The following CSMD1 variants were observed in gnomAD, a reference collection of about 807,000 sequenced individuals.
CSMD1 encodes CUB and Sushi multiple domains 1.
In CSMD1, 213 loss-of-function variants were observed where a neutral mutation model predicts 417.5. The ratio of observed to expected loss-of-function variants is 0.51; its 90% CI spans 0.46 to 0.57. The LOEUF is 0.57. Ranked by LOEUF, CSMD1 falls within the 20% of genes least tolerant of loss-of-function variation. CSMD1 has a pLI of 0.00. For missense variants in CSMD1, 6,923 were observed against 4,529.7 expected, an observed-to-expected ratio of 1.53 and a Z score of -15.17; for synonymous variants, 2,862 against 1,736.8, an observed-to-expected ratio of 1.65 and a Z score of -16.11.
rs1009008324 is a variant in CSMD1, at chr8:3,030,197, G to C, written c.7661-684C>G. ...GCAGTAGTAGTATACTATTACCAGG[G>C]TGGACTTCAAGGACTTTCTAAATAT... On this transcript the variant is annotated intron_variant, in intron 50 of 69. Coordinates refer to ENST00000635120, the MANE Select transcript of CSMD1 (RefSeq NM_033225.6). Among the ~76,000 whole-genome samples, 4 of 152,094 alleles carry C rather than the reference G, an allele frequency of 2.6e-5. No homozygotes were observed. The East Asian group carries it at 7.7e-4, about 29-fold the overall frequency.
At chr8:3,688,220 G>T (rs1049830200) in intron 7 of CSMD1, among the ~76,000 whole-genome samples, 1 of 152,132 alleles carries the variant, frequency 6.6e-6, no homozygotes, top group Non-Finnish European at 1.5e-5. Context: ...TGCGTAAGTG[G>T]GCAAAGATGA....
intron 3 of CSMD1, among the ~76,000 whole-genome samples, chr8:4,405,724 T>C (rs560854683): frequency 6.6e-6 from 1 of 152,310 alleles, no homozygotes; most frequent in African/African-American, 2.4e-5. Context: ...TATGAAACCA[T>C]CTTTGAAGTT....
intron 51 of CSMD1, among the ~76,000 whole-genome samples, chr8:3,020,222 G>A (rs145283541): frequency 5.3e-4 from 81 of 152,286 alleles, no homozygotes; most frequent in Non-Finnish European, 7.5e-4. Context: ...GCCATCCCTC[G>A]CACATAAGCA....
intron 1 of CSMD1, among the ~76,000 whole-genome samples, chr8:4,640,177 G>T (rs1157846638): frequency 6.6e-6 from 1 of 152,230 alleles, no homozygotes; most frequent in Non-Finnish European, 1.5e-5. Flanking sequence ...AATGAGTACA[G>T]TGCATGTTGC....
At chr8:4,006,790 C>CT (rs1236841423) in intron 4 of CSMD1, among the ~76,000 whole-genome samples, 1 of 141,302 alleles carries the variant, frequency 7.1e-6, no homozygotes, top group Non-Finnish European at 1.5e-5. Context: ...ATTCATATTT[C>CT]TTTTGTCGCT....
chr8:3,214,420 T>G, intron 30 of CSMD1, 77 bp downstream of exon 30: 1 of 1,262,820 alleles, frequency 7.9e-7, no homozygotes, highest in Admixed American at 2.7e-5. Flanking sequence ...TGTTGAAATG[T>G]GAAACCATTT....
rs113995686 is a variant in CSMD1, at chr8:4,259,706, T to G, written c.415+160247A>C. 4.9e-3 allele frequency among the ~76,000 whole-genome samples: 740 copies of G among 152,250 alleles called. 8 individuals are homozygous for G. Among genetic ancestry groups the G allele is most frequent in the African/African-American group, 0.017 (707 of 41,536 alleles). On this transcript the variant is annotated intron_variant, in intron 3 of 69. Transcript: ENST00000635120. ...AAATTTCTATTCATCATGTACACAT[T>G]TCAATAATTTTGCCACAAATATATA...
chr8:3,772,635 T>G (rs961224574), intron 5 of CSMD1, among the ~76,000 whole-genome samples: 1 of 104,638 alleles, frequency 9.6e-6, no homozygotes, highest in Non-Finnish European at 1.8e-5. Flanking sequence ...ACACATATAT[T>G]TATATACATA....
chr8:4,347,547 G>C (rs943757674), intron 3 of CSMD1, among the ~76,000 whole-genome samples: 29 of 152,130 alleles, frequency 1.9e-4, no homozygotes, highest in African/African-American at 5.1e-4. Flanking sequence ...TGTCTCAACA[G>C]AAATACTTCC....
chr8:4,629,022 TG>T (rs1802339751), intron 2 of CSMD1, among the ~76,000 whole-genome samples: 1 of 152,186 alleles, frequency 6.6e-6, no homozygotes. Context: ...AATGGTAATT[TG>T]TATTGTAGAG....
intron 49 of CSMD1, among the ~76,000 whole-genome samples, chr8:3,074,360 T>A (rs1043124564): frequency 1.6e-4 from 24 of 152,170 alleles, no homozygotes; most frequent in African/African-American, 4.8e-4. Flanking sequence ...GCCAACAACA[T>A]AACGCAATCA....
chr8:3,522,709 G>C (rs919594756), intron 10 of CSMD1, among the ~76,000 whole-genome samples: 1 of 151,946 alleles, frequency 6.6e-6, no homozygotes, highest in African/African-American at 2.4e-5. Flanking sequence ...CATTCACACC[G>C]ATACTGATTC....
At position 3,661,858 on chromosome 8, in the gene CSMD1, C is replaced by T. The variant is rs143426714; in HGVS notation, c.1010-45061G>A. On this transcript the variant is annotated intron_variant, in intron 7 of 69. Coordinates refer to ENST00000635120, the MANE Select transcript of CSMD1 (RefSeq NM_033225.6). ...ACACCAAACAAGCCACCCTTTAGAT[C>T]GGTGTTGAAGGACGACACATAGGAT... Among the ~76,000 whole-genome samples, 417 of 152,114 alleles carry T rather than the reference C, an allele frequency of 2.7e-3. 3 individuals are homozygous for T. The highest frequency in any genetic ancestry group is 0.015 in the East Asian group (75 of 5,166).
intron 5 of CSMD1, among the ~76,000 whole-genome samples, chr8:3,894,397 T>A (rs1189880857): frequency 1.3e-5 from 2 of 152,172 alleles, no homozygotes; most frequent in African/African-American, 2.4e-5. Context: ...CCTTCATGGC[T>A]TAGACATTTC....
chr8:4,677,299 A>C (rs919385992), intron 1 of CSMD1, among the ~76,000 whole-genome samples: 2 of 151,900 alleles, frequency 1.3e-5, no homozygotes, highest in African/African-American at 4.8e-5. Flanking sequence ...ATTAAAGTGA[A>C]GAAAGAAATT....
chr8:4,714,259 T>A (rs1808502393), intron 1 of CSMD1, among the ~76,000 whole-genome samples: 1 of 152,184 alleles, frequency 6.6e-6, no homozygotes, highest in African/African-American at 2.4e-5. Context: ...AGCAGAAATA[T>A]ACTCATCCTA....
intron 5 of CSMD1, among the ~76,000 whole-genome samples, chr8:3,852,369 C>G (rs111626970): frequency 9.2e-5 from 14 of 152,210 alleles, no homozygotes; most frequent in African/African-American, 3.4e-4. Flanking sequence ...GGGACACCCT[C>G]TCTACTCCCA....
chr8:4,092,076 A>G (rs1157492224), intron 3 of CSMD1, among the ~76,000 whole-genome samples: 1 of 152,184 alleles, frequency 6.6e-6, no homozygotes, highest in African/African-American at 2.4e-5. Flanking sequence ...CACTACTTAG[A>G]AGCTTAAGAG....
At chr8:4,713,260 C>T (rs754106499) in intron 1 of CSMD1, among the ~76,000 whole-genome samples, 4 of 152,210 alleles carry the variant, frequency 2.6e-5, no homozygotes, top group Admixed American at 6.5e-5. Context: ...AGAAGGAATG[C>T]GGAGCAGGAG....
Sources: allele counts gnomAD v4.1 joint callset (sites outside exome capture counted in the v4.1 genomes callset), GRCh38; gene constraint gnomAD v4.1.1; transcripts MANE v1.5; gene names NCBI Gene and HGNC (gene_info 2026-07-23, HGNC 2026-07-21).